IL13: variants seen among roughly 807,000 people sequenced by gnomAD.
The protein encoded by IL13 is interleukin-13.
IL13 carries 9 observed loss-of-function variants against 11.1 expected under a neutral mutation model. The observed-to-expected ratio is 0.81, with a 90% confidence interval of 0.49 to 1.42. The LOEUF (loss-of-function observed/expected upper bound fraction) is 1.42, where lower values mean the gene tolerates loss of function less well. Ranked by LOEUF, IL13 falls within the 40% of genes most tolerant of loss-of-function variation. IL13 has a pLI of 0.00. For synonymous variants in IL13, 75 were observed against 76.9 expected (o/e 0.97, Z 0.13); for missense variants, 181 against 182.5 (o/e 0.99, Z 0.05).
rs184838848 is a variant in IL13, at chr5:132,660,724, G to A, written c.*442G>A. On this transcript the variant is annotated 3_prime_UTR_variant, in exon 4 of 4. Transcript: ENST00000304506. Reference sequence around the variant, plus strand: ...TATTTAAATGAGTGTGTTTGTCACCGTTGGGGATTGGGGAAGACTGTGGCT... The same window carrying A: ...TATTTAAATGAGTGTGTTTGTCACCATTGGGGATTGGGGAAGACTGTGGCT... 14 of 175,244 alleles carry A rather than the reference G, an allele frequency of 8.0e-5. No homozygotes were observed. Among genetic ancestry groups the A allele is most frequent in the Admixed American group, 6.5e-4 (12 of 18,440 alleles). The allele number at this position is 175,244 out of a possible 1,614,324, so 10.9% of individuals were successfully genotyped here.
At position 132,659,977 on chromosome 5, in the gene IL13, ACAGGATCT is replaced by A; in HGVS notation, c.333+150_333+157del. 1 of 1,442,156 alleles carries A rather than the reference ACAGGATCT, an allele frequency of 6.9e-7. No individual in the cohort carries two copies. Among genetic ancestry groups the A allele is most frequent in the Non-Finnish European group, 9.2e-7 (1 of 1,085,528 alleles). 89.3% of individuals were successfully genotyped at this position (1,442,156 alleles called of 1,614,324 possible). ...AGCAGGGACGTGGCCTTCGGGATTT[ACAGGATCT>A]GGGCTCAAGGGCTCCTAACTCCTAC... On this transcript the variant is annotated intron_variant, in intron 3 of 3. Coordinates refer to ENST00000304506, the MANE Select transcript of IL13 (RefSeq NM_002188.3). The surrounding 1 kb of genome is among the most constrained non-coding windows in gnomAD (Gnocchi z 4.1).
Position 132,659,432 on chromosome 5 carries a change from T to C in IL13, c.189T>C (p.Asn63=). Reference sequence around the variant, plus strand: ...TGCTCCCACAGGCTCCGCTCTGCAATGGCAGCATGGTATGGAGCATCAACC... The same window carrying C: ...TGCTCCCACAGGCTCCGCTCTGCAACGGCAGCATGGTATGGAGCATCAACC... ...ITQNQKAPLC[N]GSMVWSINLT... The change falls in exon 2 of 4, where the codon AAT becomes AAC. Residue 63 remains asparagine (N), a synonymous_variant. Coordinates refer to ENST00000304506, the MANE Select transcript of IL13 (RefSeq NM_002188.3). The surrounding 1 kb of genome is among the most constrained non-coding windows in gnomAD (Gnocchi z 4.1). 6.2e-7 allele frequency: 1 copy of C among 1,611,184 alleles called. No individual in the cohort carries two copies. The highest frequency in any genetic ancestry group is 1.3e-5 in the African/African-American group (1 of 75,022).
Position 132,659,390 on chromosome 5 carries a change from T to C in IL13, c.175-28T>C. On this transcript the variant is annotated intron_variant, in intron 1 of 3. Coordinates refer to ENST00000304506, the MANE Select transcript of IL13 (RefSeq NM_002188.3). This position sits in a 1 kb window ranked among gnomAD's most constrained non-coding sequence, Gnocchi z 4.1. ...GCAGGCCCACAACCCCTGCCAGCAC[T>C]CTGCTCACTGTCACTTTGCTCCCAC... The C allele has an allele frequency of 6.3e-7, 1 of 1,576,650 alleles. No homozygotes were observed.
In IL13 at chr5:132,659,743, C is replaced by T; in HGVS notation, c.248C>T (p.Ser83Phe). The T allele has an allele frequency of 2.5e-6, 4 of 1,613,984 alleles. No individual in the cohort carries two copies. Among genetic ancestry groups the T allele is most frequent in the Non-Finnish European group, 2.5e-6 (3 of 1,180,022 alleles). ...TAGMYCAALE[S>F]LINVSGCSAI... ...CCACAGTACTGTGCAGCCCTGGAATCCCTGATCAACGTGTCAGGCTGCAGT... is the reference window on the plus strand; with the variant it reads ...CCACAGTACTGTGCAGCCCTGGAATTCCTGATCAACGTGTCAGGCTGCAGT... Residue 83 changes from serine (S) to phenylalanine (F), a missense_variant, in exon 3 of 4, where the codon TCC becomes TTC. Transcript: ENST00000304506. The surrounding 1 kb of genome is among the most constrained non-coding windows in gnomAD (Gnocchi z 4.1).
Position 132,660,268 on chromosome 5 carries a change from G to A in IL13, c.427G>A (p.Gly143Arg), listed in dbSNP as rs1304358121. ...ACATTTAAAGAAACTTTTTCGCGAG[G>A]GACAGTTCAACTGAAACTTCGAAAG... ...LLHLKKLFRE[G>R]QFN is the part of the protein sequence containing the mutation. The change falls in exon 4 of 4, where the codon GGA becomes AGA. Residue 143 changes from glycine (G) to arginine (R), a missense_variant. Transcript: ENST00000304506. 1.2e-6 allele frequency: 2 copies of A among 1,613,958 alleles called. No individual in the cohort carries two copies. Among genetic ancestry groups the A allele is most frequent in the Non-Finnish European group, 1.7e-6 (2 of 1,179,966 alleles).
At position 132,659,854 on chromosome 5, in the gene IL13, C is replaced by T. The variant is rs1752115273; in HGVS notation, c.333+26C>T. 1 of 1,610,294 alleles carries T rather than the reference C, an allele frequency of 6.2e-7. No individual in the cohort carries two copies. The highest frequency in any genetic ancestry group is 8.5e-7 in the Non-Finnish European group (1 of 1,179,006). On this transcript the variant is annotated intron_variant, in intron 3 of 3. Coordinates refer to ENST00000304506, the MANE Select transcript of IL13 (RefSeq NM_002188.3). This position sits in a 1 kb window ranked among gnomAD's most constrained non-coding sequence, Gnocchi z 4.1. ...GTAAGGCATCCCCCACCCTCTCACA[C>T]CCACCCTGCACCCCCTCCTGCCAAC...
At chr5:132,657,514 A>G (rs2069742), upstream of IL13, among the ~76,000 whole-genome samples, 2,027 of 152,122 alleles carry the variant, frequency 0.013, 40 homozygotes, top group African/African-American at 0.046. Flanking sequence ...AAAACAAAAC[A>G]AAAAAACACC....
In IL13 at chr5:132,659,509, C is replaced by T; in HGVS notation, c.228+38C>T. The T allele has an allele frequency of 6.3e-7, 1 of 1,587,970 alleles. No homozygotes were observed. ...GGGTGCAGGGAGGATGGGGCAGAGG[C>T]TCCAGGCCTTGGGCTTATCTTCTCT... On this transcript the variant is annotated intron_variant, in intron 2 of 3. Transcript: ENST00000304506. This position sits in a 1 kb window ranked among gnomAD's most constrained non-coding sequence, Gnocchi z 4.1.
Position 132,659,370 on chromosome 5 carries a change from C to T in IL13, c.175-48C>T, listed in dbSNP as rs1244043692. ...ACCTGGCCTGGGCTGCCAGGGCAGG[C>T]CCACAACCCCTGCCAGCACTCTGCT... is the stretch of plus-strand genomic sequence containing the variant. On this transcript the variant is annotated intron_variant, in intron 1 of 3. Transcript: ENST00000304506. The surrounding 1 kb of genome is among the most constrained non-coding windows in gnomAD (Gnocchi z 4.1). The T allele has an allele frequency of 1.4e-6, 2 of 1,442,134 alleles. No homozygotes were observed. The highest frequency in any genetic ancestry group is 3.6e-4 in the Middle Eastern group (2 of 5,502). 89.3% of individuals were successfully genotyped at this position (1,442,134 alleles called of 1,614,324 possible). A position where few individuals can be genotyped will look rare whatever the true frequency, so the allele number is the denominator to read the frequency against.
At position 132,658,359 on chromosome 5, in the gene IL13, A is replaced by T; in HGVS notation, c.173A>T (p.Lys58Met). Reference protein sequence around the residue: ...EELVNITQNQKAPLCNGSMVW... With the variant: ...EELVNITQNQMAPLCNGSMVW... ...CTGGTCAACATCACCCAGAACCAGA[A>T]GGTGAGTGTCGGCTAGCCAGGGTCC... Residue 58 changes from lysine to methionine, a missense_variant and splice_region_variant, in exon 1 of 4, where the codon AAG becomes ATG. Lys to Met is a moderately conservative substitution (Grantham distance 95, BLOSUM62 -1). Transcript: ENST00000304506. 1 of 1,598,436 alleles carries T rather than the reference A, an allele frequency of 6.3e-7. No individual in the cohort carries two copies. The highest frequency in any genetic ancestry group is 8.6e-7 in the Non-Finnish European group (1 of 1,167,912).
In IL13 at chr5:132,658,180, C is replaced by G; in HGVS notation, c.-7C>G. ...ACAAGACGCCAAGGCCACAAGCCAC[C>G]CAGCCTATGCATCCGCTCCTCAATC... is the stretch of plus-strand genomic sequence containing the variant. On this transcript the variant is annotated 5_prime_UTR_variant, in exon 1 of 4. Transcript: ENST00000304506. 1 of 1,584,658 alleles carries G rather than the reference C, an allele frequency of 6.3e-7. No individual in the cohort carries two copies. The highest frequency in any genetic ancestry group is 1.1e-5 in the South Asian group (1 of 87,440).
In IL13 at chr5:132,661,023, G is replaced by T. The variant is rs138637232; in HGVS notation, c.*741G>T. 1 of 152,490 alleles carries T rather than the reference G, an allele frequency of 6.6e-6. No homozygotes were observed. Among genetic ancestry groups the T allele is most frequent in the African/African-American group, 2.4e-5 (1 of 41,436 alleles). 9.4% of individuals were successfully genotyped at this position (152,490 alleles called of 1,614,324 possible). On this transcript the variant is annotated 3_prime_UTR_variant, in exon 4 of 4. Coordinates refer to ENST00000304506, the MANE Select transcript of IL13 (RefSeq NM_002188.3). ...TTAGCAAAGAGTTAATATATAGAAG[G>T]GTACCTTGAACACTGGGGGAGGGGA...
At position 132,659,961 on chromosome 5, in the gene IL13, G is replaced by T; in HGVS notation, c.333+133G>T. 1 of 1,459,564 alleles carries T rather than the reference G, an allele frequency of 6.9e-7. No individual in the cohort carries two copies. Among genetic ancestry groups the T allele is most frequent in the South Asian group, 1.4e-5 (1 of 72,382 alleles). The allele number at this position is 1,459,564 out of a possible 1,614,324, so 90.4% of individuals were successfully genotyped here. A position where few individuals can be genotyped will look rare whatever the true frequency, so the allele number is the denominator to read the frequency against. On this transcript the variant is annotated intron_variant, in intron 3 of 3. Transcript: ENST00000304506. This position sits in a 1 kb window ranked among gnomAD's most constrained non-coding sequence, Gnocchi z 4.1. Reference sequence around the variant, plus strand: ...GTGGGGCCATTGTGGCAGCAGGGACGTGGCCTTCGGGATTTACAGGATCTG... The same window carrying T: ...GTGGGGCCATTGTGGCAGCAGGGACTTGGCCTTCGGGATTTACAGGATCTG...
rs1752128444 is a variant in IL13, at chr5:132,660,312, C to T, written c.*30C>T. The T allele has an allele frequency of 5.6e-6, 9 of 1,606,956 alleles. No homozygotes were observed. The highest frequency in any genetic ancestry group is 1.3e-5 in the African/African-American group (1 of 74,530). ...TCGAAAGCATCATTATTTGCAGAGA[C>T]AGGACCTGACTATTGAAGTTGCAGA... On this transcript the variant is annotated 3_prime_UTR_variant, in exon 4 of 4. Coordinates refer to ENST00000304506, the MANE Select transcript of IL13 (RefSeq NM_002188.3).
Position 132,659,553 on chromosome 5 carries a change from T to C in IL13, c.228+82T>C. The C allele has an allele frequency of 6.4e-7, 1 of 1,560,656 alleles. No homozygotes were observed. The highest frequency in any genetic ancestry group is 1.1e-5 in the South Asian group (1 of 87,414). ...CTTCTCTGAGCCTCCCTTCCATGGC[T>C]GGGGTTCCAAGCAAGCTTCAAGTGC... On this transcript the variant is annotated intron_variant, in intron 2 of 3. Transcript: ENST00000304506. The surrounding 1 kb of genome is among the most constrained non-coding windows in gnomAD (Gnocchi z 4.1).
chr5:132,660,589 G>T lies in IL13; in HGVS notation c.*307G>T. The stretch of plus-strand genomic sequence containing the variant: ...AGCACACTGTAGCATTACAGTGGGT[G>T]CCCCCCTTGCCAGACATGTGGTGGG... On this transcript the variant is annotated 3_prime_UTR_variant, in exon 4 of 4. Transcript: ENST00000304506. 3.6e-6 allele frequency: 1 copy of T among 274,420 alleles called. No individual in the cohort carries two copies. The highest frequency in any genetic ancestry group is 6.9e-6 in the Non-Finnish European group (1 of 144,242). 17.0% of individuals were successfully genotyped at this position (274,420 alleles called of 1,614,324 possible). A position where few individuals can be genotyped will look rare whatever the true frequency, so the allele number is the denominator to read the frequency against.
intron 1 of IL13, chr5:132,658,661 G>A (rs1752086405): frequency 3.0e-6 from 1 of 336,644 alleles, no homozygotes; most frequent in Non-Finnish European, 5.4e-6. Flanking sequence ...CAGCAGAGAA[G>A]GGCCAGCACC....
Position 132,659,258 on chromosome 5 carries a change from A to G in IL13, c.175-160A>G. ...CACCCCTATGCCTGCTGTTCAAAGCAGAAAACGAAGCTCAGGAATGCTGAG... is the reference window on the plus strand; with the variant it reads ...CACCCCTATGCCTGCTGTTCAAAGCGGAAAACGAAGCTCAGGAATGCTGAG... On this transcript the variant is annotated intron_variant, in intron 1 of 3. Transcript: ENST00000304506. The surrounding 1 kb of genome is among the most constrained non-coding windows in gnomAD (Gnocchi z 4.1). 1.5e-6 allele frequency: 1 copy of G among 653,488 alleles called. No individual in the cohort carries two copies. Among genetic ancestry groups the G allele is most frequent in the East Asian group, 2.8e-5 (1 of 35,978 alleles). The allele number at this position is 653,488 out of a possible 1,614,324, so 40.5% of individuals were successfully genotyped here. A position where few individuals can be genotyped will look rare whatever the true frequency, so the allele number is the denominator to read the frequency against.
At chr5:132,657,726 G>A (rs1268372213), upstream of IL13, among the ~76,000 whole-genome samples, 1 of 152,078 alleles carries the variant, frequency 6.6e-6, no homozygotes, top group Non-Finnish European at 1.5e-5. Flanking sequence ...CTGGTTCATC[G>A]AAAAAATAAA....
Sources: gnomAD v4.1 joint callset for allele counts (sites outside exome capture counted in the v4.1 genomes callset) on GRCh38, gnomAD v4.1.1 for gene constraint, Gnocchi (gnomAD v3.1) non-coding constraint, MANE v1.5 for transcripts, NCBI Gene and HGNC (gene_info 2026-07-23, HGNC 2026-07-21) for gene names.